The following ERC1 variants were observed in gnomAD, a reference collection of about 807,000 sequenced individuals.
The protein encoded by ERC1 is ELKS/RAB6-interacting/CAST family member 1.
In ERC1, 56 loss-of-function variants were observed where a neutral mutation model predicts 132.0. That is an observed-to-expected ratio of 0.42 (90% CI 0.34 to 0.53). The LOEUF is 0.53. Ranked by LOEUF, ERC1 falls within the 20% of genes least tolerant of loss-of-function variation. The pLI, the probability that ERC1 is intolerant of heterozygous loss-of-function variation, is 0.03. For synonymous variants in ERC1, 478 were observed against 476.1 expected (o/e 1.00, Z -0.05); for missense variants, 1,202 against 1,349.9 (o/e 0.89, Z 1.72).
rs7297399 is a variant in ERC1 at position 1,446,145 on chromosome 12, G to A, written c.3213+1395G>A. Among the ~76,000 whole-genome samples, 1,249 of 152,266 alleles carry A rather than the reference G, an allele frequency of 8.2e-3. 24 individuals are homozygous for A. The highest frequency in any genetic ancestry group is 0.029 in the African/African-American group (1,186 of 41,548). On this transcript the variant is annotated intron_variant, in intron 18 of 18. Coordinates refer to ENST00000360905, the MANE Select transcript of ERC1 (RefSeq NM_178040.4). The stretch of plus-strand genomic sequence containing the variant: ...CCCTAGACGACATTTTCTGTTTACT[G>A]TCACTTGTAAAAATCCAGTGATTCT...
intron 12 of ERC1, among the ~76,000 whole-genome samples, chr12:1,205,397 CTGTG>C (rs551630470): frequency 7.4e-6 from 1 of 135,682 alleles, no homozygotes. Flanking sequence ...ATATATATAT[CTGTG>C]TGTGTGTGTG....
At chr12:1,294,579 G>A (rs754957852) in intron 15 of ERC1, among the ~76,000 whole-genome samples, 1 of 152,110 alleles carries the variant, frequency 6.6e-6, no homozygotes, top group Non-Finnish European at 1.5e-5. Flanking sequence ...CAAAAGGAAG[G>A]AAGTGAGATT....
At chr12:1,458,433 C>A (rs1284959103) in intron 18 of ERC1, among the ~76,000 whole-genome samples, 1 of 151,700 alleles carries the variant, frequency 6.6e-6, no homozygotes. Context: ...GATATGAATT[C>A]ATGGTTTTTA....
At chr12:1,349,402 G>A (rs530895550) in intron 15 of ERC1, among the ~76,000 whole-genome samples, 159 of 152,236 alleles carry the variant, frequency 1.0e-3, no homozygotes, top group Non-Finnish European at 1.8e-3. Flanking sequence ...AGTGGCTCAC[G>A]CCTGTAATCC....
At chr12:1,035,138 C>G (rs549901552) in intron 2 of ERC1, among the ~76,000 whole-genome samples, 1 of 152,158 alleles carries the variant, frequency 6.6e-6, no homozygotes. Context: ...TTATAGTCAG[C>G]CAGCAGTGGG....
At chr12:1,393,646 GTGTA>G (rs1235488015) in intron 16 of ERC1, among the ~76,000 whole-genome samples, 1 of 115,374 alleles carries the variant, frequency 8.7e-6, no homozygotes, top group Non-Finnish European at 1.8e-5. Flanking sequence ...GTGTGTGTGT[GTGTA>G]AAGTGCTTGG....
chr12:1,428,796 A>G (rs1423276512), intron 17 of ERC1, among the ~76,000 whole-genome samples: 2 of 152,204 alleles, frequency 1.3e-5, no homozygotes, highest in Non-Finnish European at 2.9e-5. Context: ...GTTCTTAGAC[A>G]CAGAACTGCA....
chr12:1,344,344 C>T (rs2084224937), intron 15 of ERC1, among the ~76,000 whole-genome samples: 1 of 152,022 alleles, frequency 6.6e-6, no homozygotes. Flanking sequence ...TAGATTCCGT[C>T]AGCATCTCAG....
chr12:1,170,234 ATAT>A (rs1566136533), intron 8 of ERC1, among the ~76,000 whole-genome samples: 1 of 152,216 alleles, frequency 6.6e-6, no homozygotes, highest in Non-Finnish European at 1.5e-5. Context: ...TAATGGTATA[ATAT>A]TCTTTCCATC....
chr12:1,340,363 C>T (rs1290763217), intron 15 of ERC1, among the ~76,000 whole-genome samples: 1 of 152,086 alleles, frequency 6.6e-6, no homozygotes, highest in Non-Finnish European at 1.5e-5. Context: ...ATGGGCTTCC[C>T]TAGCCATGCT....
chr12:1,075,806 GATCTTC>G (rs1428579904), intron 2 of ERC1, among the ~76,000 whole-genome samples: 1 of 152,144 alleles, frequency 6.6e-6, no homozygotes. Flanking sequence ...CCATCACGAA[GATCTTC>G]ATCCTCATCA....
intron 13 of ERC1, among the ~76,000 whole-genome samples, chr12:1,238,130 T>C (rs188813551): frequency 1.3e-5 from 2 of 151,766 alleles, no homozygotes; most frequent in Admixed American, 1.3e-4. Flanking sequence ...CAGTTAATAT[T>C]GGCAGTTTTC....
intron 16 of ERC1, among the ~76,000 whole-genome samples, chr12:1,389,744 A>G (rs767196064): frequency 5.9e-5 from 9 of 152,248 alleles, no homozygotes; most frequent in Non-Finnish European, 1.0e-4. Flanking sequence ...GAATACTCCA[A>G]AGAGTTAACA....
intron 12 of ERC1, among the ~76,000 whole-genome samples, chr12:1,215,344 T>TTC (rs1203494249): frequency 6.6e-6 from 1 of 152,080 alleles, no homozygotes; most frequent in East Asian, 1.9e-4. Context: ...TCTGAGACAG[T>TTC]TGGATCATCT....
chr12:1,406,830 G>A (rs937047031), intron 16 of ERC1, among the ~76,000 whole-genome samples: 2 of 152,110 alleles, frequency 1.3e-5, no homozygotes, highest in Non-Finnish European at 2.9e-5. Flanking sequence ...CAGTGATGAT[G>A]CCACTGTACT....
intron 1 of ERC1, among the ~76,000 whole-genome samples, chr12:1,023,103 T>A (rs1441150910): frequency 6.6e-6 from 1 of 152,144 alleles, no homozygotes; most frequent in Non-Finnish European, 1.5e-5. Context: ...GTCTTATGGG[T>A]AGTTCTACAT....
At chr12:1,097,056 T>C (rs888061961) in intron 3 of ERC1, among the ~76,000 whole-genome samples, 1 of 152,268 alleles carries the variant, frequency 6.6e-6, no homozygotes, top group Non-Finnish European at 1.5e-5. Flanking sequence ...AAAAATATGC[T>C]TTAAATCTCT....
chr12:1,288,516 A>C (rs374161693), intron 14 of ERC1, among the ~76,000 whole-genome samples: 1 of 152,254 alleles, frequency 6.6e-6, no homozygotes. Context: ...CAGGTGCCAA[A>C]AAAACTAAAT....
chr12:1,264,460 C>T (rs902599203), intron 14 of ERC1, among the ~76,000 whole-genome samples: 1 of 151,990 alleles, frequency 6.6e-6, no homozygotes. Context: ...GTCAGGAGAT[C>T]GAGACCATCC....
Sources: gnomAD v4.1 joint callset for allele counts (sites outside exome capture counted in the v4.1 genomes callset) on GRCh38, gnomAD v4.1.1 for gene constraint, MANE v1.5 for transcripts, NCBI Gene and HGNC (gene_info 2026-07-23, HGNC 2026-07-21) for gene names.